CISD1: variants seen among roughly 807,000 people sequenced by gnomAD.
CISD1 encodes the protein CDGSH iron sulfur domain 1, also known as CDGSH iron-sulfur domain-containing protein 1.
CISD1 carries 8 observed loss-of-function variants against 12.0 expected under a neutral mutation model. That is an observed-to-expected ratio of 0.67 (90% CI 0.39 to 1.20). The LOEUF is 1.20. Among genes scored for constraint, CISD1 ranks in the 50% most tolerant of loss-of-function variants. CISD1 has a pLI of 0.01. For missense variants in CISD1, 107 were observed against 132.7 expected (o/e 0.81, Z 0.95); for synonymous variants, 38 against 42.2 (o/e 0.90, Z 0.39).
At chr10:58,274,322 C>CG (rs1217849996) in intron 1 of CISD1, among the ~76,000 whole-genome samples, 1 of 151,648 alleles carries the variant, frequency 6.6e-6, no homozygotes, top group African/African-American at 2.4e-5. Flanking sequence ...GACCTGTCAT[C>CG]ATTTTTGTCT....
intron 1 of CISD1, among the ~76,000 whole-genome samples, chr10:58,276,667 A>C (rs1183625563): frequency 4.6e-5 from 7 of 151,550 alleles, no homozygotes. Flanking sequence ...AAGGGATCTT[A>C]CTATTTAAAT....
At chr10:58,273,646 T>C (rs1172431340) in intron 1 of CISD1, among the ~76,000 whole-genome samples, 1 of 152,124 alleles carries the variant, frequency 6.6e-6, no homozygotes, top group Non-Finnish European at 1.5e-5. Flanking sequence ...AACCAAAGAT[T>C]ATACAATAGT....
rs1268668582 is a variant in CISD1, at chr10:58,287,771, T to A, written c.*121T>A. 1 of 482,696 alleles carries A rather than the reference T, an allele frequency of 2.1e-6. No homozygotes were observed. Among genetic ancestry groups the A allele is most frequent in the Non-Finnish European group, 3.6e-6 (1 of 275,940 alleles). 29.9% of individuals were successfully genotyped at this position (482,696 alleles called of 1,614,324 possible). On this transcript the variant is annotated 3_prime_UTR_variant, in exon 3 of 3. Coordinates refer to ENST00000333926, the MANE Select transcript of CISD1 (RefSeq NM_018464.5). ...ATTCTAAATGTGGTATATTGCAAAC[T>A]GCAGCTTTCACATTTATGGCATTTG...
At chr10:58,284,212 TATAGTCCTAGCTA>T (rs1839404080) in intron 2 of CISD1, among the ~76,000 whole-genome samples, 1 of 151,998 alleles carries the variant, frequency 6.6e-6, no homozygotes, top group Non-Finnish European at 1.5e-5. Context: ...GGCATGCACC[TATAGTCCTAGCTA>T]CTCAGGAGGC....
intron 2 of CISD1, among the ~76,000 whole-genome samples, chr10:58,277,727 G>T (rs1388683426): frequency 6.7e-6 from 1 of 149,458 alleles, no homozygotes; most frequent in Non-Finnish European, 1.5e-5. Flanking sequence ...TCGAGTTCAG[G>T]CAGATTTAAC....
At chr10:58,270,425 G>T (rs187081505) in intron 1 of CISD1, among the ~76,000 whole-genome samples, 5 of 152,128 alleles carry the variant, frequency 3.3e-5, no homozygotes, top group African/African-American at 1.2e-4. Context: ...TTAAAATAGG[G>T]TGTGATTTTT....
chr10:58,270,844 G>C (rs1229849149), intron 1 of CISD1, among the ~76,000 whole-genome samples: 1 of 152,162 alleles, frequency 6.6e-6, no homozygotes, highest in Non-Finnish European at 1.5e-5. Context: ...GCTTCAACTG[G>C]AAGTATTCAA....
intron 2 of CISD1, among the ~76,000 whole-genome samples, chr10:58,283,289 T>C (rs1839393333): frequency 6.6e-6 from 1 of 152,194 alleles, no homozygotes; most frequent in African/African-American, 2.4e-5. Context: ...ATAAAGACAG[T>C]CTTATAAAAA....
intron 2 of CISD1, 56 bp from the exon 3 acceptor site, chr10:58,287,505 G>A (rs1588983764): frequency 1.4e-5 from 18 of 1,283,220 alleles, no homozygotes; most frequent in East Asian, 2.4e-5. Flanking sequence ...CCACTCTGCC[G>A]AGCATAATAC....
At chr10:58,287,536 T>C (rs1839442516) in intron 2 of CISD1, 25 bp from the exon 3 acceptor site, 1 of 1,535,802 alleles carries the variant, frequency 6.5e-7, no homozygotes, top group Non-Finnish European at 9.0e-7. Context: ...ATTAGATGTT[T>C]CACATTCATT....
At chr10:58,281,476 C>T (rs1321692141) in intron 2 of CISD1, among the ~76,000 whole-genome samples, 1 of 152,132 alleles carries the variant, frequency 6.6e-6, no homozygotes, top group Non-Finnish European at 1.5e-5. Context: ...CTGCATTAAT[C>T]AATTAACAGT....
intron 2 of CISD1, among the ~76,000 whole-genome samples, chr10:58,278,836 C>T (rs533442171): frequency 2.6e-5 from 4 of 152,188 alleles, no homozygotes; most frequent in Admixed American, 6.5e-5. Context: ...GACAGTTCAC[C>T]GGTTGAAGTC....
chr10:58,280,177 T>C (rs550362117), intron 2 of CISD1, among the ~76,000 whole-genome samples: 1 of 152,168 alleles, frequency 6.6e-6, no homozygotes, highest in Non-Finnish European at 1.5e-5. Context: ...TGTACTGCCC[T>C]TCCCCAAGGA....
chr10:58,269,347 C>G, intron 1 of CISD1, 43 bp downstream of exon 1: 1 of 1,575,264 alleles, frequency 6.3e-7, no homozygotes, highest in Non-Finnish European at 8.6e-7. Flanking sequence ...TGAGGCTCAG[C>G]GGTTGCCGCG....
rs552142063 is a variant in CISD1, at chr10:58,275,743, C to T, written c.32-1374C>T. The stretch of plus-strand genomic sequence containing the variant: ...AAGAGGCAGAAATTATGCTCTCTTA[C>T]GAGATGAGCAAAATGCAGGAATAAG... On this transcript the variant is annotated intron_variant, in intron 1 of 2. Transcript: ENST00000333926. 2.7e-4 allele frequency among the ~76,000 whole-genome samples: 41 copies of T among 152,050 alleles called. No individual in the cohort carries two copies. In the South Asian group the frequency reaches 6.9e-3, roughly 25 times the overall value.
chr10:58,272,064 A>C (rs1839255937), intron 1 of CISD1, among the ~76,000 whole-genome samples: 1 of 152,108 alleles, frequency 6.6e-6, no homozygotes, highest in African/African-American at 2.4e-5. Context: ...TTCTATTTGC[A>C]AGGAAGATGT....
chr10:58,287,734 C>A lies in CISD1; in HGVS notation c.*84C>A. 2 of 790,718 alleles carry A rather than the reference C, an allele frequency of 2.5e-6. No homozygotes were observed. The highest frequency in any genetic ancestry group is 2.0e-5 in the South Asian group (1 of 49,998). 49.0% of individuals were successfully genotyped at this position (790,718 alleles called of 1,614,324 possible). A position where few individuals can be genotyped will look rare whatever the true frequency, so the allele number is the denominator to read the frequency against. ...GAATGACTACCACCTCTGTCTGATT[C>A]ACCTTCGCTGGATTCTAAATGTGGT... On this transcript the variant is annotated 3_prime_UTR_variant, in exon 3 of 3. Coordinates refer to ENST00000333926, the MANE Select transcript of CISD1 (RefSeq NM_018464.5).
intron 2 of CISD1, among the ~76,000 whole-genome samples, chr10:58,284,665 G>C (rs1001964192): frequency 6.6e-6 from 1 of 151,616 alleles, no homozygotes; most frequent in African/African-American, 2.4e-5. Flanking sequence ...TCTCACTTTT[G>C]ATATATGACT....
At chr10:58,285,132 T>A (rs1839414756) in intron 2 of CISD1, among the ~76,000 whole-genome samples, 1 of 152,174 alleles carries the variant, frequency 6.6e-6, no homozygotes, top group Non-Finnish European at 1.5e-5. Context: ...GTGTACCACA[T>A]CTTATTGACC....
Sources: gnomAD v4.1 joint callset for allele counts (sites outside exome capture counted in the v4.1 genomes callset) on GRCh38, gnomAD v4.1.1 for gene constraint, MANE v1.5 for transcripts, NCBI Gene and HGNC (gene_info 2026-07-23, HGNC 2026-07-21) for gene names.